KIF16B: variants seen among roughly 807,000 people sequenced by gnomAD.
The protein encoded by KIF16B is kinesin family member 16B.
A neutral mutation model predicts 156.3 loss-of-function variants in KIF16B; 98 were observed. The ratio of observed to expected loss-of-function variants is 0.63; its 90% CI spans 0.53 to 0.74. The LOEUF is 0.74. Among genes scored for constraint, KIF16B ranks in the 30% least tolerant of loss-of-function variants. The probability of loss-of-function intolerance (pLI) is 0.00; values close to 1 mark genes in which losing one functional copy is unlikely to be tolerated. For missense variants in KIF16B, 1,421 were observed against 1,606.5 expected (o/e 0.88, Z 1.97); for synonymous variants, 564 against 583.7 (o/e 0.97, Z 0.49).
intron 23 of KIF16B, among the ~76,000 whole-genome samples, chr20:16,340,233 T>C (rs1483324922): frequency 1.3e-5 from 2 of 152,216 alleles, no homozygotes; most frequent in Non-Finnish European, 2.9e-5. Flanking sequence ...GCTCCCTCAT[T>C]TCCTTCAAGT....
At position 16,376,200 on chromosome 20, in the gene KIF16B, A is replaced by G. The variant is rs182721570; in HGVS notation, c.3198-1791T>C. Among the ~76,000 whole-genome samples, 15 of 152,338 alleles carry G rather than the reference A, an allele frequency of 9.8e-5. No individual in the cohort carries two copies. In the East Asian group the frequency reaches 1.7e-3, roughly 18 times the overall value. On this transcript the variant is annotated intron_variant, in intron 19 of 25. Transcript: ENST00000354981. The stretch of plus-strand genomic sequence containing the variant: ...TGTTAAAGGACTCTGACAAGAAAAC[A>G]GGATTAAGTGTGAGTATTAACAACT...
chr20:16,420,344 A>G (rs2066195116), intron 15 of KIF16B, among the ~76,000 whole-genome samples: 2 of 152,146 alleles, frequency 1.3e-5, no homozygotes, highest in African/African-American at 4.8e-5. Flanking sequence ...TGCTAAATTT[A>G]GATAAATCTC....
chr20:16,377,891 C>T (rs1446350719), intron 19 of KIF16B, among the ~76,000 whole-genome samples: 1 of 152,150 alleles, frequency 6.6e-6, no homozygotes, highest in Non-Finnish European at 1.5e-5. Flanking sequence ...AATATTCTTA[C>T]CTTACAAGAC....
chr20:16,351,440 C>T (rs2064336919), intron 23 of KIF16B, among the ~76,000 whole-genome samples: 1 of 152,292 alleles, frequency 6.6e-6, no homozygotes, highest in Admixed American at 6.5e-5. Flanking sequence ...GTAACTGATG[C>T]CACGTGTCAG....
At chr20:16,460,578 T>A (rs1312883212) in intron 12 of KIF16B, among the ~76,000 whole-genome samples, 1 of 151,868 alleles carries the variant, frequency 6.6e-6, no homozygotes, top group African/African-American at 2.4e-5. Context: ...AAAAAAATAT[T>A]CGCAATGAGC....
At chr20:16,397,660 C>A (rs1353047437) in intron 17 of KIF16B, among the ~76,000 whole-genome samples, 1 of 152,190 alleles carries the variant, frequency 6.6e-6, no homozygotes, top group African/African-American at 2.4e-5. Flanking sequence ...AAACTGAGTA[C>A]TATGCAGCAA....
intron 10 of KIF16B, among the ~76,000 whole-genome samples, chr20:16,498,068 G>C (rs985725344): frequency 4.6e-5 from 7 of 152,140 alleles, no homozygotes; most frequent in African/African-American, 1.7e-4. Context: ...TCTGAGATTT[G>C]CTCTTACTGA....
chr20:16,273,932 C>A (rs954668459), intron 25 of KIF16B, among the ~76,000 whole-genome samples: 5 of 152,108 alleles, frequency 3.3e-5, no homozygotes, highest in Admixed American at 6.5e-5. Context: ...TGTCTCAGAT[C>A]TACAGCAGAC....
At chr20:16,403,670 G>A (rs2065711683) in intron 17 of KIF16B, among the ~76,000 whole-genome samples, 1 of 152,190 alleles carries the variant, frequency 6.6e-6, no homozygotes, top group Admixed American at 6.5e-5. Flanking sequence ...GGCAGGTGTT[G>A]GATTTGGGCT....
chr20:16,545,369 T>TAAAA (rs1295462522), intron 1 of KIF16B, among the ~76,000 whole-genome samples: 1 of 135,818 alleles, frequency 7.4e-6, no homozygotes, highest in African/African-American at 2.7e-5. Flanking sequence ...CATCTCTATT[T>TAAAA]AAAAAAAAAA....
chr20:16,554,645 C>T lies in KIF16B; in HGVS notation c.47+18584G>A, dbSNP rs546985442. The stretch of plus-strand genomic sequence containing the variant: ...GAACAGGGCCAAAACATGTCCCTTG[C>T]TCACCACGTTGCAGGCAACAAAAAG... On this transcript the variant is annotated intron_variant, in intron 1 of 25. Coordinates refer to ENST00000354981, the MANE Select transcript of KIF16B (RefSeq NM_024704.5). 1.1e-3 allele frequency among the ~76,000 whole-genome samples: 173 copies of T among 152,364 alleles called. 1 individual carries two copies. In the Middle Eastern group the frequency reaches 0.02, roughly 18 times the overall value.
chr20:16,281,774 T>G (rs2122338183), intron 25 of KIF16B, among the ~76,000 whole-genome samples: 1 of 152,200 alleles, frequency 6.6e-6, no homozygotes, highest in South Asian at 2.1e-4. Context: ...ACAGACACGG[T>G]GCCTCCCCTC....
intron 23 of KIF16B, among the ~76,000 whole-genome samples, chr20:16,343,054 CAACA>C (rs1380324666): frequency 6.6e-6 from 1 of 152,112 alleles, no homozygotes; most frequent in Non-Finnish European, 1.5e-5. Context: ...AAGATCAGTA[CAACA>C]AATAAGTCAG....
chr20:16,351,466 C>G (rs987902766), intron 23 of KIF16B, among the ~76,000 whole-genome samples: 1 of 152,206 alleles, frequency 6.6e-6, no homozygotes, highest in Non-Finnish European at 1.5e-5. Flanking sequence ...GAGAGGCATG[C>G]GAAGCGGGGT....
chr20:16,491,875 G>C (rs1336590666), intron 12 of KIF16B, among the ~76,000 whole-genome samples: 1 of 152,170 alleles, frequency 6.6e-6, no homozygotes, highest in Non-Finnish European at 1.5e-5. Context: ...ACTAGGTAGA[G>C]AAAGAAGGGA....
intron 25 of KIF16B, among the ~76,000 whole-genome samples, chr20:16,307,027 G>T (rs1328979295): frequency 2.6e-5 from 4 of 152,084 alleles, no homozygotes; most frequent in Non-Finnish European, 5.9e-5. Flanking sequence ...CATTTCTTTC[G>T]ATCTATCTTA....
chr20:16,400,398 T>C (rs1258617591), intron 17 of KIF16B, among the ~76,000 whole-genome samples: 1 of 152,216 alleles, frequency 6.6e-6, no homozygotes, highest in Admixed American at 6.5e-5. Context: ...GGAACCCTTG[T>C]GCCCTGTTGG....
intron 24 of KIF16B, among the ~76,000 whole-genome samples, chr20:16,325,790 G>GA (rs1180729217): frequency 4.0e-5 from 6 of 150,748 alleles, no homozygotes; most frequent in Admixed American, 2.0e-4. Context: ...AACTAGAAAA[G>GA]AAAAAAAACC....
chr20:16,433,862 T>C (rs544749166), intron 12 of KIF16B, among the ~76,000 whole-genome samples: 1 of 152,262 alleles, frequency 6.6e-6, no homozygotes, highest in South Asian at 2.1e-4. Flanking sequence ...CTATCACGTA[T>C]AAAATATTTA....
Sources: allele counts gnomAD v4.1 joint callset (sites outside exome capture counted in the v4.1 genomes callset), GRCh38; gene constraint gnomAD v4.1.1; transcripts MANE v1.5; gene names NCBI Gene and HGNC (gene_info 2026-07-23, HGNC 2026-07-21).